The following ANO2 variants were observed in gnomAD, a reference collection of about 807,000 sequenced individuals.
ANO2 encodes the protein anoctamin 2.
A neutral mutation model predicts 124.2 loss-of-function variants in ANO2; 101 were observed. The observed-to-expected ratio is 0.81, with a 90% CI of 0.69 to 0.96. ANO2 has a LOEUF of 0.96. Among genes scored for constraint, ANO2 ranks in the 40% least tolerant of loss-of-function variants. The pLI is 0.00. For synonymous variants in ANO2, 486 were observed against 482.5 expected, an observed-to-expected ratio of 1.01 and a Z score of -0.09; for missense variants, 1,293 against 1,274.5, an observed-to-expected ratio of 1.01 and a Z score of -0.22.
rs199829157 is a variant in ANO2, at chr12:5,612,775, G to C, written c.1987-19C>G. ...GAGCACACTGCAGGGAGAAGATAAGGAAAGGACCGGTTAGAACAAAAGGGA... is the reference window on the plus strand; with the variant it reads ...GAGCACACTGCAGGGAGAAGATAAGCAAAGGACCGGTTAGAACAAAAGGGA... On this transcript the variant is annotated intron_variant, in intron 18 of 24. Coordinates refer to ENST00000682330, the MANE Select transcript of ANO2 (RefSeq NM_001364791.2). 3.1e-6 allele frequency: 5 copies of C among 1,613,222 alleles called. No individual in the cohort carries two copies. In the African/African-American group the frequency reaches 6.7e-5, roughly 22 times the overall value.
chr12:5,583,901 C>T (rs2136854466), intron 20 of ANO2: 1 of 213,940 alleles, frequency 4.7e-6, no homozygotes, highest in Admixed American at 4.8e-5. Flanking sequence ...GCACCATGGT[C>T]AACCTCACCA....
chr12:5,575,786 T>C, intron 23 of ANO2, 48 bp downstream of exon 23: 3 of 1,580,744 alleles, frequency 1.9e-6, no homozygotes, highest in East Asian at 2.2e-5. Flanking sequence ...ATTATTTGGA[T>C]CTATTGCTTC....
rs974437373 is a variant in ANO2, at chr12:5,658,194, T to C, written c.1546-10393A>G. 1.3e-5 allele frequency among the ~76,000 whole-genome samples: 2 copies of C among 152,184 alleles called. No individual in the cohort carries two copies. Among genetic ancestry groups the C allele is most frequent in the African/African-American group, 4.8e-5 (2 of 41,454 alleles). On this transcript the variant is annotated intron_variant, in intron 14 of 24. Coordinates refer to ENST00000682330, the MANE Select transcript of ANO2 (RefSeq NM_001364791.2). The surrounding 1 kb of genome is among the most constrained non-coding windows in gnomAD (Gnocchi z 4.3). Reference sequence around the variant, plus strand: ...TCCCAGCTTGCACGCTAATTGAACGTGTGACTTCAGGCATGTTACCAACTT... The same window carrying C: ...TCCCAGCTTGCACGCTAATTGAACGCGTGACTTCAGGCATGTTACCAACTT...
intron 10 of ANO2, among the ~76,000 whole-genome samples, chr12:5,764,005 C>G (rs1347907905): frequency 1.3e-5 from 2 of 152,162 alleles, no homozygotes; most frequent in African/African-American, 2.4e-5. Flanking sequence ...TGTGCTAATG[C>G]TAGTTATCTT....
intron 20 of ANO2, among the ~76,000 whole-genome samples, chr12:5,595,193 T>C (rs1943598725): frequency 1.3e-5 from 2 of 152,176 alleles, no homozygotes. Flanking sequence ...ACCGAGTGTT[T>C]GAGTTTTGTT....
At chr12:5,715,256 G>A (rs16933813) in intron 14 of ANO2, among the ~76,000 whole-genome samples, 19,495 of 152,072 alleles carry the variant, frequency 0.13, 1,557 homozygotes, top group African/African-American at 0.23. Flanking sequence ...TTTACCAACC[G>A]GGACACATTT....
intron 10 of ANO2, among the ~76,000 whole-genome samples, chr12:5,768,430 G>A (rs999983582): frequency 2.6e-5 from 4 of 152,188 alleles, no homozygotes; most frequent in Non-Finnish European, 5.9e-5. Flanking sequence ...CAGAAGTGTT[G>A]TTGGAAGAGA....
intron 1 of ANO2, among the ~76,000 whole-genome samples, chr12:5,944,924 C>T (rs1352402828): frequency 6.6e-6 from 1 of 151,876 alleles, no homozygotes; most frequent in East Asian, 1.9e-4. Flanking sequence ...CACAGAGAAG[C>T]GGCCGCCCAA....
intron 11 of ANO2, among the ~76,000 whole-genome samples, chr12:5,746,217 C>T (rs561881561): frequency 5.3e-5 from 8 of 152,256 alleles, no homozygotes; most frequent in African/African-American, 7.2e-5. Context: ...AGCAGCCAAG[C>T]GGGTGCAAAG....
intron 3 of ANO2, among the ~76,000 whole-genome samples, chr12:5,893,042 T>C (rs926979566): frequency 2.0e-5 from 3 of 152,156 alleles, no homozygotes; most frequent in Non-Finnish European, 4.4e-5. Flanking sequence ...TTTGAAGTGG[T>C]AAAATATTTA....
At chr12:5,596,360 T>G (rs1054718067) in intron 20 of ANO2, among the ~76,000 whole-genome samples, 7 of 152,192 alleles carry the variant, frequency 4.6e-5, no homozygotes, top group Non-Finnish European at 2.9e-5. Flanking sequence ...AAAATAAATG[T>G]GAGTATGATC....
In ANO2 at chr12:5,923,186, A is replaced by G. The variant is rs1372196076; in HGVS notation, c.23-382T>C. 1.6e-3 allele frequency among the ~76,000 whole-genome samples: 101 copies of G among 63,062 alleles called. 11 individuals are homozygous for G. Among genetic ancestry groups the G allele is most frequent in the African/African-American group, 5.1e-3 (95 of 18,660 alleles). The allele number at this position is 63,062 out of a possible 152,430, so 41.4% of individuals were successfully genotyped here. ...CATACACACACACGCACACACACATACACACACACGCACGCACACACACCC... is the reference window on the plus strand; with the variant it reads ...CATACACACACACGCACACACACATGCACACACACGCACGCACACACACCC... On this transcript the variant is annotated intron_variant, in intron 1 of 24. Coordinates refer to ENST00000682330, the MANE Select transcript of ANO2 (RefSeq NM_001364791.2).
At chr12:5,803,211 A>G (rs183780810) in intron 9 of ANO2, among the ~76,000 whole-genome samples, 1 of 152,316 alleles carries the variant, frequency 6.6e-6, no homozygotes, top group East Asian at 1.9e-4. Flanking sequence ...CAGATGCCAC[A>G]CTGACCTATT....
At chr12:5,656,798 C>T (rs1270769462) in intron 14 of ANO2, among the ~76,000 whole-genome samples, 1 of 152,218 alleles carries the variant, frequency 6.6e-6, no homozygotes, top group Non-Finnish European at 1.5e-5. Context: ...ACTTAGATCC[C>T]TCTCTATGTA....
rs185813513 is a variant in ANO2 at position 5,939,422 on chromosome 12, A to G, written c.22+5774T>C. ...CACCTACCGTGTGTCAGGCTGCAGT[A>G]AGGATCAAAGATGAGTTAGATCCAT... On this transcript the variant is annotated intron_variant, in intron 1 of 24. Coordinates refer to ENST00000682330, the MANE Select transcript of ANO2 (RefSeq NM_001364791.2). Among the ~76,000 whole-genome samples the G allele has an allele frequency of 2.0e-5, 3 of 152,210 alleles. No homozygotes were observed. In the East Asian group the frequency reaches 5.8e-4, roughly 29 times the overall value.
chr12:5,793,892 A>T (rs1333023205), intron 10 of ANO2, among the ~76,000 whole-genome samples: 1 of 152,228 alleles, frequency 6.6e-6, no homozygotes, highest in African/African-American at 2.4e-5. Flanking sequence ...CTTCCCTCCG[A>T]AAGGGTACAA....
At chr12:5,724,943 G>A (rs1404260180) in intron 14 of ANO2, among the ~76,000 whole-genome samples, 1 of 152,184 alleles carries the variant, frequency 6.6e-6, no homozygotes, top group Middle Eastern at 3.4e-3. Context: ...ACCTACATTT[G>A]CCATTAGCCC....
intron 17 of ANO2, 139 bp downstream of exon 17, chr12:5,615,047 G>A: frequency 1.7e-6 from 1 of 595,122 alleles, no homozygotes; most frequent in Admixed American, 3.1e-5. Context: ...CTTCTCCATG[G>A]GAAGGCAGGT....
At chr12:5,788,583 C>A (rs879755484) in intron 10 of ANO2, among the ~76,000 whole-genome samples, 1 of 145,040 alleles carries the variant, frequency 6.9e-6, no homozygotes, top group Non-Finnish European at 1.6e-5. Context: ...TTTTTGGAGA[C>A]GGAGTCTAAC....
Sources: gnomAD v4.1 joint callset for allele counts (sites outside exome capture counted in the v4.1 genomes callset) on GRCh38, gnomAD v4.1.1 for gene constraint, Gnocchi (gnomAD v3.1) non-coding constraint, MANE v1.5 for transcripts, NCBI Gene and HGNC (gene_info 2026-07-23, HGNC 2026-07-21) for gene names.